GPATCH1: variants seen among roughly 807,000 people sequenced by gnomAD.
The protein encoded by GPATCH1 is G-patch domain containing 1.
In GPATCH1, 73 loss-of-function variants were observed where a neutral mutation model predicts 114.9. The ratio of observed to expected loss-of-function variants is 0.64; its 90% CI spans 0.53 to 0.77. The LOEUF (loss-of-function observed/expected upper bound fraction) is 0.77. GPATCH1 is among the 30% of genes least tolerant of loss of function. The pLI is 0.00. For missense variants in GPATCH1, 1,058 were observed against 1,144.3 expected, an observed-to-expected ratio of 0.92 and a Z score of 1.09; for synonymous variants, 391 against 428.4, an observed-to-expected ratio of 0.91 and a Z score of 1.08.
intron 11 of GPATCH1, among the ~76,000 whole-genome samples, chr19:33,111,268 C>T (rs1191128061): frequency 6.6e-6 from 1 of 151,578 alleles, no homozygotes; most frequent in Non-Finnish European, 1.5e-5. Context: ...CCTGTAGTCC[C>T]AGCTACTCGG....
Position 33,113,871 on chromosome 19 carries a change from G to C in GPATCH1, c.1997G>C (p.Ser666Thr). The stretch of plus-strand genomic sequence containing the variant: ...TCCTTGCCCACCACTCAAGCATCAA[G>C]TGAAAAAGTATCACAGCACCGAGGT... ...TASLPTTQAS[S>T]EKVSQHRGPD... The change falls in exon 14 of 20, where the codon AGT (serine) becomes ACT (threonine). Residue 666 changes from serine (S) to threonine (T), a missense_variant. Ser to Thr is a moderately conservative substitution (Grantham distance 58, BLOSUM62 1). Coordinates refer to ENST00000170564, the MANE Select transcript of GPATCH1 (RefSeq NM_018025.3). 6.2e-7 allele frequency: 1 copy of C among 1,614,128 alleles called. No individual in the cohort carries two copies. The highest frequency in any genetic ancestry group is 8.5e-7 in the Non-Finnish European group (1 of 1,180,012).
chr19:33,109,485 G>C (rs1393231268), intron 10 of GPATCH1, among the ~76,000 whole-genome samples: 1 of 152,072 alleles, frequency 6.6e-6, no homozygotes, highest in East Asian at 1.9e-4. Context: ...TGCACTCCAG[G>C]CTGGGCAATA....
intron 3 of GPATCH1, among the ~76,000 whole-genome samples, chr19:33,091,138 G>A (rs1002549747): frequency 3.3e-5 from 5 of 152,090 alleles, no homozygotes; most frequent in African/African-American, 4.8e-5. Context: ...GTGGCTGGGT[G>A]CGGTGGCTCA....
rs371706433 is a variant in GPATCH1, at chr19:33,113,809, C to T, written c.1935C>T (p.Tyr645=). ...TACCAAGAGTGAAGCGTGACAAGTA[C>T]TCAGTCTTCAACTTTCTGACGCTCC... ...VGLPRVKRDK[Y]SVFNFLTLPE... The change falls in exon 14 of 20, where the codon TAC becomes TAT. Residue 645 remains tyrosine (Y), a synonymous_variant. Transcript: ENST00000170564. 8 of 1,613,196 alleles carry T rather than the reference C, an allele frequency of 5.0e-6. No individual in the cohort carries two copies. In the African/African-American group the frequency reaches 6.7e-5, roughly 13 times the overall value.
At chr19:33,097,594 T>G (rs184338911) in intron 7 of GPATCH1, among the ~76,000 whole-genome samples, 161 bp from the exon 8 acceptor site, 1 of 152,198 alleles carries the variant, frequency 6.6e-6, no homozygotes, top group African/African-American at 2.4e-5. Context: ...CCAGAAAACT[T>G]GTGTGTGTGT....
chr19:33,081,774 C>G (rs1972479660), intron 1 of GPATCH1, among the ~76,000 whole-genome samples: 1 of 152,048 alleles, frequency 6.6e-6, no homozygotes, highest in Non-Finnish European at 1.5e-5. Context: ...GAGGGGCTGA[C>G]AGGGGCTGGA....
chr19:33,100,013 C>T lies in GPATCH1; in HGVS notation c.1001-1482C>T, dbSNP rs1049216395. On this transcript the variant is annotated intron_variant, in intron 8 of 19. Transcript: ENST00000170564. ...CTTGAACTCCCGACCTCAGGTGATC[C>T]GCCCGCCTCGGCCTCCCAGAGTGCT... Among the ~76,000 whole-genome samples the T allele has an allele frequency of 2.2e-4, 34 of 151,968 alleles. 1 individual carries two copies. Among genetic ancestry groups the T allele is most frequent in the Admixed American group, 7.2e-4 (11 of 15,260 alleles).
chr19:33,101,425 A>C, intron 8 of GPATCH1, 70 bp from the exon 9 acceptor site: 1 of 851,144 alleles, frequency 1.2e-6, no homozygotes, highest in South Asian at 1.4e-5. Context: ...AAGAACGTAA[A>C]ATGCTGATGT....
intron 19 of GPATCH1, among the ~76,000 whole-genome samples, chr19:33,127,843 GGA>G (rs1418038494): frequency 6.6e-6 from 1 of 151,710 alleles, no homozygotes; most frequent in Non-Finnish European, 1.5e-5. Context: ...CAAGCAACTG[GGA>G]TTACAGGCAC....
In GPATCH1 at chr19:33,097,897, A is replaced by G. The variant is rs753983542; in HGVS notation, c.995A>G (p.Gln332Arg). The G allele has an allele frequency of 1.3e-5, 21 of 1,613,808 alleles. No individual in the cohort carries two copies. Among genetic ancestry groups the G allele is most frequent in the Non-Finnish European group, 1.6e-5 (19 of 1,179,918 alleles). Residue 332 changes from glutamine (Q) to arginine (R), a missense_variant, in exon 8 of 20, where the codon CAG becomes CGG. Coordinates refer to ENST00000170564, the MANE Select transcript of GPATCH1 (RefSeq NM_018025.3). The part of the protein sequence containing the change: ...GWTAPRQYKN[Q>R]KESEKDLRYV... Reference sequence around the variant, plus strand: ...ACAGCACCCAGGCAGTATAAAAACCAGAAAGGTAATTCGACAGCCACAAAC... The same window carrying G: ...ACAGCACCCAGGCAGTATAAAAACCGGAAAGGTAATTCGACAGCCACAAAC...
chr19:33,094,377 C>T, intron 5 of GPATCH1, 108 bp downstream of exon 5: 1 of 655,770 alleles, frequency 1.5e-6, no homozygotes, highest in South Asian at 1.7e-5. Context: ...GTGGTGCGAT[C>T]CCGGCATACT....
intron 1 of GPATCH1, among the ~76,000 whole-genome samples, chr19:33,083,109 G>T (rs929801677): frequency 6.0e-5 from 9 of 151,136 alleles, no homozygotes; most frequent in East Asian, 2.0e-4. Context: ...GGCGTGGTGG[G>T]GGGGGGCTCA....
chr19:33,124,353 T>G (rs886396971), intron 17 of GPATCH1, among the ~76,000 whole-genome samples: 1 of 152,066 alleles, frequency 6.6e-6, no homozygotes, highest in Non-Finnish European at 1.5e-5. Context: ...TTTTTTAAAG[T>G]TAGGTAGAGA....
chr19:33,117,605 C>T (rs1326287007), intron 15 of GPATCH1, among the ~76,000 whole-genome samples: 1 of 152,116 alleles, frequency 6.6e-6, no homozygotes, highest in Non-Finnish European at 1.5e-5. Context: ...GGTTTTGCTT[C>T]TTTGACCTCA....
chr19:33,122,326 C>CTT (rs35388450), intron 17 of GPATCH1, among the ~76,000 whole-genome samples: 2 of 116,140 alleles, frequency 1.7e-5, no homozygotes, highest in Non-Finnish European at 3.6e-5. Flanking sequence ...CCTTTAGTTT[C>CTT]TTTTTTTTTT....
intron 11 of GPATCH1, among the ~76,000 whole-genome samples, chr19:33,111,445 G>A (rs1263194376): frequency 1.3e-5 from 2 of 149,070 alleles, no homozygotes; most frequent in Admixed American, 6.7e-5. Flanking sequence ...GGCTGGTCCC[G>A]AACTCCTGAC....
At chr19:33,129,504 G>A (rs1055931352) in intron 19 of GPATCH1, among the ~76,000 whole-genome samples, 29 of 152,136 alleles carry the variant, frequency 1.9e-4, no homozygotes, top group African/African-American at 6.7e-4. Context: ...CAACGGATGC[G>A]GTAGGTGAGT....
In GPATCH1 at chr19:33,097,933, G is replaced by T. The variant is rs548128450; in HGVS notation, c.1000+31G>T. 230 of 1,608,136 alleles carry T rather than the reference G, an allele frequency of 1.4e-4. 1 individual carries two copies. In the South Asian group the frequency reaches 2.4e-3, roughly 17 times the overall value. Reference sequence around the variant, plus strand: ...TCGACAGCCACAAACCTAATGGCAGGACCAAGTGTCAGGGTATCAGGAAGG... The same window carrying T: ...TCGACAGCCACAAACCTAATGGCAGTACCAAGTGTCAGGGTATCAGGAAGG... On this transcript the variant is annotated intron_variant, in intron 8 of 19. Transcript: ENST00000170564.
At chr19:33,119,557 G>A (rs1972953483) in intron 17 of GPATCH1, among the ~76,000 whole-genome samples, 1 of 151,844 alleles carries the variant, frequency 6.6e-6, no homozygotes, top group South Asian at 2.1e-4. Flanking sequence ...AATTACCTGG[G>A]CGTAGTGACG....
Sources: gnomAD v4.1 joint callset for allele counts (sites outside exome capture counted in the v4.1 genomes callset) on GRCh38, gnomAD v4.1.1 for gene constraint, MANE v1.5 for transcripts, NCBI Gene and HGNC (gene_info 2026-07-23, HGNC 2026-07-21) for gene names.